Variants in IQCJ observed in about 807,000 individuals in gnomAD.
The protein encoded by IQCJ is IQ domain-containing protein J.
IQCJ carries 9 observed loss-of-function variants against 11.0 expected under a neutral mutation model. That is an observed-to-expected ratio of 0.82 (90% CI 0.49 to 1.43). The LOEUF is 1.43. IQCJ is among the 40% of genes most tolerant of loss of function. The probability of loss-of-function intolerance (pLI) is 0.00; values close to 1 mark genes in which losing one functional copy is unlikely to be tolerated. For synonymous variants in IQCJ, 55 were observed against 51.3 expected, an observed-to-expected ratio of 1.07 and a Z score of -0.31; for missense variants, 146 against 133.2, an observed-to-expected ratio of 1.10 and a Z score of -0.47.
At chr3:159,183,630 T>C (rs1723220910) in intron 1 of IQCJ, among the ~76,000 whole-genome samples, 1 of 152,218 alleles carries the variant, frequency 6.6e-6, no homozygotes, top group Non-Finnish European at 1.5e-5. Flanking sequence ...AAGTTTTATT[T>C]CTTGATCATG....
chr3:159,183,632 T>A (rs1028118222), intron 1 of IQCJ, among the ~76,000 whole-genome samples: 1 of 152,212 alleles, frequency 6.6e-6, no homozygotes, highest in Non-Finnish European at 1.5e-5. Flanking sequence ...GTTTTATTTC[T>A]TGATCATGTC....
chr3:159,133,018 T>C (rs1052649024), intron 1 of IQCJ, among the ~76,000 whole-genome samples: 1 of 152,182 alleles, frequency 6.6e-6, no homozygotes, highest in African/African-American at 2.4e-5. Flanking sequence ...TTTCTACATG[T>C]GTATGTCTGA....
At chr3:159,195,941 A>C (rs933936858) in intron 1 of IQCJ, among the ~76,000 whole-genome samples, 1 of 152,232 alleles carries the variant, frequency 6.6e-6, no homozygotes. Flanking sequence ...GACAATCAGG[A>C]TAATCATAGC....
intron 1 of IQCJ, among the ~76,000 whole-genome samples, chr3:159,090,092 G>A (rs562782264): frequency 1.1e-4 from 17 of 151,846 alleles, no homozygotes; most frequent in Admixed American, 2.6e-4. Flanking sequence ...GTAAAGATGG[G>A]TTTTTGGTGT....
In IQCJ at chr3:159,085,780, T is replaced by C. The variant is rs1245290478; in HGVS notation, c.9+16339T>C. Among the ~76,000 whole-genome samples, 578 of 151,942 alleles carry C rather than the reference T, an allele frequency of 3.8e-3. 5 individuals carry two copies. The highest frequency in any genetic ancestry group is 0.012 in the African/African-American group (512 of 41,412). ...TGATGGGGTTGTTTTTTTTTTCTTG[T>C]AAATTTGTTTGAGTTCATTGTAGAT... On this transcript the variant is annotated intron_variant, in intron 1 of 3. Transcript: ENST00000397832.
intron 1 of IQCJ, chr3:159,069,711 C>T (rs1715416742): frequency 3.5e-6 from 2 of 576,962 alleles, no homozygotes; most frequent in South Asian, 1.8e-5. Flanking sequence ...AGCAACACTT[C>T]CTATGAACAT....
At chr3:159,265,153 C>G, downstream of IQCJ, 1 of 1,416,016 alleles carries the variant, frequency 7.1e-7, no homozygotes, top group South Asian at 1.3e-5. Context: ...TAAAAGAAAA[C>G]TTTATATGTA....
intron 3 of IQCJ, among the ~76,000 whole-genome samples, chr3:159,255,648 G>A (rs888900206): frequency 1.8e-4 from 28 of 152,202 alleles, no homozygotes; most frequent in African/African-American, 6.5e-4. Flanking sequence ...TATCAAAGTT[G>A]AAGGGAGTGT....
intron 1 of IQCJ, among the ~76,000 whole-genome samples, chr3:159,237,363 T>C (rs1300447668): frequency 2.6e-5 from 4 of 152,240 alleles, no homozygotes; most frequent in African/African-American, 9.6e-5. Flanking sequence ...GTGATGGGCT[T>C]GTCTAACCTC....
chr3:159,070,062 T>C (rs1715458886), intron 1 of IQCJ: 1 of 183,732 alleles, frequency 5.4e-6, no homozygotes, highest in Non-Finnish European at 1.2e-5. Context: ...TCCGCAGTGT[T>C]CAGCAGGAAT....
chr3:159,220,009 G>GA (rs937076867), intron 1 of IQCJ, among the ~76,000 whole-genome samples: 2 of 152,088 alleles, frequency 1.3e-5, no homozygotes, highest in African/African-American at 2.4e-5. Context: ...GTTGAGGCAT[G>GA]AAAAAAACCC....
At chr3:159,155,045 G>T (rs368951213) in intron 1 of IQCJ, among the ~76,000 whole-genome samples, 1 of 152,070 alleles carries the variant, frequency 6.6e-6, no homozygotes, top group Non-Finnish European at 1.5e-5. Context: ...CTGAGACCCT[G>T]GTATGAAATG....
intron 1 of IQCJ, among the ~76,000 whole-genome samples, chr3:159,164,102 G>C (rs1722032126): frequency 6.6e-6 from 1 of 152,198 alleles, no homozygotes; most frequent in Admixed American, 6.5e-5. Context: ...AGCTTGGCAA[G>C]TTAAATTCAC....
At chr3:159,234,773 G>T (rs766632036) in intron 1 of IQCJ, among the ~76,000 whole-genome samples, 1 of 152,148 alleles carries the variant, frequency 6.6e-6, no homozygotes, top group Admixed American at 6.6e-5. Context: ...GAGATAGATC[G>T]GTATGAAGGG....
At chr3:159,160,801 C>A (rs568249637) in intron 1 of IQCJ, among the ~76,000 whole-genome samples, 1 of 150,118 alleles carries the variant, frequency 6.7e-6, no homozygotes, top group Non-Finnish European at 1.5e-5. Flanking sequence ...TTTGTTCTTG[C>A]GATAGTTTAC....
At chr3:159,080,459 A>G (rs1406495713) in intron 1 of IQCJ, among the ~76,000 whole-genome samples, 1 of 152,124 alleles carries the variant, frequency 6.6e-6, no homozygotes, top group Non-Finnish European at 1.5e-5. Context: ...TGAAGATTGG[A>G]ACCTTTTCAG....
At chr3:159,077,768 GA>G (rs2108051820) in intron 1 of IQCJ, among the ~76,000 whole-genome samples, 1 of 152,024 alleles carries the variant, frequency 6.6e-6, no homozygotes, top group East Asian at 1.9e-4. Flanking sequence ...TACCCTCTTT[GA>G]ATTTTAAAAC....
At chr3:159,129,153 T>A (rs886603488) in intron 1 of IQCJ, among the ~76,000 whole-genome samples, 11 of 152,152 alleles carry the variant, frequency 7.2e-5, no homozygotes, top group African/African-American at 2.7e-4. Context: ...TATTAATAAT[T>A]ATTAGTATTT....
rs531013374 is a variant in IQCJ, at chr3:159,239,258, G to C, written c.10-6585G>C. On this transcript the variant is annotated intron_variant, in intron 1 of 3. Transcript: ENST00000397832. ...AAATCAATCCTCCAAATTGTCAGCA[G>C]AGCAGCTGCTCAGAAAGCTCTTGTT... 9.2e-5 allele frequency among the ~76,000 whole-genome samples: 14 copies of C among 152,288 alleles called. No homozygotes were observed. In the East Asian group the frequency reaches 2.7e-3, roughly 29 times the overall value.
Sources: gnomAD v4.1 joint callset for allele counts (sites outside exome capture counted in the v4.1 genomes callset) on GRCh38, gnomAD v4.1.1 for gene constraint, MANE v1.5 for transcripts, NCBI Gene and HGNC (gene_info 2026-07-23, HGNC 2026-07-21) for gene names.